Variants in EYS observed in about 807,000 individuals in gnomAD.
EYS encodes the protein EGF-like photoreceptor maintenance factor, also known as protein eyes shut homolog.
Under a neutral mutation model 282.1 loss-of-function variants are expected in EYS, and 250 were observed. The observed-to-expected ratio is 0.89, with a 90% CI of 0.80 to 0.98. EYS has a LOEUF of 0.98. Among genes scored for constraint, EYS ranks in the 50% least tolerant of loss-of-function variants. EYS has a pLI of 0.00. For synonymous variants in EYS, 1,355 were observed against 1,282.9 expected, an observed-to-expected ratio of 1.06 and a Z score of -1.20; for missense variants, 4,016 against 3,709.0, an observed-to-expected ratio of 1.08 and a Z score of -2.15.
intron 14 of EYS, among the ~76,000 whole-genome samples, chr6:64,990,094 T>C (rs1431807254): frequency 6.6e-6 from 1 of 151,494 alleles, no homozygotes; most frequent in East Asian, 1.9e-4. Context: ...ATAAACTACC[T>C]ACAGACAAAT....
intron 26 of EYS, among the ~76,000 whole-genome samples, chr6:64,496,037 A>T (rs1436448745): frequency 6.6e-6 from 1 of 151,856 alleles, no homozygotes; most frequent in Non-Finnish European, 1.5e-5. Context: ...TTTAATATGA[A>T]TTCATGTACT....
At chr6:64,353,814 C>A (rs1295315931) in intron 29 of EYS, among the ~76,000 whole-genome samples, 1 of 151,566 alleles carries the variant, frequency 6.6e-6, no homozygotes, top group African/African-American at 2.4e-5. Flanking sequence ...CTGAGACTGG[C>A]AGATAGGAAG....
At chr6:65,260,452 G>A (rs2150257712) in intron 12 of EYS, among the ~76,000 whole-genome samples, 1 of 151,876 alleles carries the variant, frequency 6.6e-6, no homozygotes. Flanking sequence ...TTATTTCCTA[G>A]AAACATCTTA....
rs1770949766 is a variant in EYS at position 64,055,402 on chromosome 6, T to C, written c.6725+10936A>G. The stretch of plus-strand genomic sequence containing the variant: ...TACATGATATTCACAGAAGCCTATA[T>C]AGCAGAAAAATGAGTGTTATTATCT... On this transcript the variant is annotated intron_variant, in intron 33 of 42. Coordinates refer to ENST00000503581, the MANE Select transcript of EYS (RefSeq NM_001142800.2). Among the ~76,000 whole-genome samples the C allele has an allele frequency of 2.6e-5, 4 of 152,284 alleles. No homozygotes were observed. The South Asian group carries it at 8.3e-4, about 32-fold the overall frequency.
At chr6:64,842,809 T>A (rs778270248) in intron 19 of EYS, among the ~76,000 whole-genome samples, 4 of 152,052 alleles carry the variant, frequency 2.6e-5, no homozygotes. Context: ...GTGACTTGGG[T>A]GCTGTTAAAA....
At chr6:64,234,331 T>C (rs1214305748) in intron 30 of EYS, among the ~76,000 whole-genome samples, 2 of 152,174 alleles carry the variant, frequency 1.3e-5, no homozygotes, top group African/African-American at 4.8e-5. Context: ...ATTTATTAGA[T>C]ATGCTATTCT....
intron 2 of EYS, among the ~76,000 whole-genome samples, chr6:65,522,267 C>G (rs1161256679): frequency 1.3e-5 from 2 of 152,068 alleles, no homozygotes; most frequent in Non-Finnish European, 2.9e-5. Context: ...ATATATCCCT[C>G]TGTAATAGTA....
At chr6:65,518,134 C>T (rs1767212040) in intron 2 of EYS, among the ~76,000 whole-genome samples, 1 of 152,018 alleles carries the variant, frequency 6.6e-6, no homozygotes, top group Non-Finnish European at 1.5e-5. Flanking sequence ...GTAATATTCC[C>T]AACGTCTTAC....
intron 26 of EYS, among the ~76,000 whole-genome samples, chr6:64,486,771 G>A (rs562797840): frequency 1.6e-4 from 24 of 151,370 alleles, no homozygotes; most frequent in African/African-American, 5.8e-4. Flanking sequence ...GCCTGTGGCT[G>A]CCTTCACATA....
At chr6:64,640,429 A>G (rs1260773537) in intron 22 of EYS, among the ~76,000 whole-genome samples, 2 of 152,220 alleles carry the variant, frequency 1.3e-5, no homozygotes, top group Admixed American at 1.3e-4. Flanking sequence ...AGAGACATGG[A>G]TGAAATTGGA....
At chr6:63,772,435 G>A (rs908699100) in intron 40 of EYS, among the ~76,000 whole-genome samples, 14 of 151,864 alleles carry the variant, frequency 9.2e-5, no homozygotes, top group African/African-American at 3.1e-4. Context: ...TTGTTCATTT[G>A]GTTTATATAT....
chr6:64,255,783 G>A (rs1767376376), intron 30 of EYS, among the ~76,000 whole-genome samples: 1 of 152,016 alleles, frequency 6.6e-6, no homozygotes, highest in Non-Finnish European at 1.5e-5. Context: ...GTATTTGTGT[G>A]TATACATAAT....
At chr6:65,672,843 G>A (rs150683566) in intron 1 of EYS, among the ~76,000 whole-genome samples, 38 of 152,234 alleles carry the variant, frequency 2.5e-4, no homozygotes, top group Middle Eastern at 3.4e-3. Context: ...CTGGGTGCAG[G>A]CGGGCTGAGT....
intron 36 of EYS, among the ~76,000 whole-genome samples, chr6:63,825,820 A>G (rs1002961293): frequency 6.6e-6 from 1 of 152,178 alleles, no homozygotes; most frequent in Non-Finnish European, 1.5e-5. Flanking sequence ...CCCTAGTAAT[A>G]TGACAAAACA....
chr6:65,659,637 T>C (rs993033626), intron 1 of EYS, among the ~76,000 whole-genome samples: 1 of 151,726 alleles, frequency 6.6e-6, no homozygotes, highest in Non-Finnish European at 1.5e-5. Context: ...TAGGAGATAA[T>C]AAATATCCTT....
intron 35 of EYS, among the ~76,000 whole-genome samples, 183 bp downstream of exon 35, chr6:63,984,200 A>T (rs896463932): frequency 6.6e-6 from 1 of 151,754 alleles, no homozygotes; most frequent in African/African-American, 2.4e-5. Flanking sequence ...GCTACAATAT[A>T]TACATTTCTT....
intron 33 of EYS, among the ~76,000 whole-genome samples, chr6:64,033,274 T>G (rs1769948478): frequency 6.6e-6 from 1 of 152,212 alleles, no homozygotes; most frequent in African/African-American, 2.4e-5. Flanking sequence ...TTTCACCTAC[T>G]CATCGTAAGT....
chr6:64,046,946 G>C (rs1030999827), intron 33 of EYS, among the ~76,000 whole-genome samples: 1 of 152,178 alleles, frequency 6.6e-6, no homozygotes, highest in Admixed American at 6.5e-5. Flanking sequence ...GAAGGTTGTA[G>C]AGCAGAGGTC....
chr6:65,643,724 C>A (rs976892789), intron 1 of EYS, among the ~76,000 whole-genome samples: 29 of 152,116 alleles, frequency 1.9e-4, no homozygotes, highest in African/African-American at 7.0e-4. Context: ...GTATCCACAG[C>A]TGAAAGACCT....
Sources: allele counts gnomAD v4.1 joint callset (sites outside exome capture counted in the v4.1 genomes callset), GRCh38; gene constraint gnomAD v4.1.1; transcripts MANE v1.5; gene names NCBI Gene and HGNC (gene_info 2026-07-23, HGNC 2026-07-21).